B3GNT2: variants seen among roughly 807,000 people sequenced by gnomAD.
The protein encoded by B3GNT2 is UDP-GlcNAc:betaGal beta-1,3-N-acetylglucosaminyltransferase 2.
A neutral mutation model predicts 27.6 loss-of-function variants in B3GNT2; 12 were observed. That is an observed-to-expected ratio of 0.44 (90% CI 0.28 to 0.71). The LOEUF is 0.71. Among genes scored for constraint, B3GNT2 ranks in the 30% least tolerant of loss-of-function variants. The pLI, the probability that B3GNT2 is intolerant of heterozygous loss-of-function variation, is 0.17. For synonymous variants in B3GNT2, 192 were observed against 189.7 expected, an observed-to-expected ratio of 1.01 and a Z score of -0.10; for missense variants, 413 against 488.5, an observed-to-expected ratio of 0.85 and a Z score of 1.46.
chr2:62,208,124 C>T (rs964086343), intron 1 of B3GNT2, among the ~76,000 whole-genome samples: 7 of 151,818 alleles, frequency 4.6e-5, no homozygotes, highest in African/African-American at 1.2e-4. Context: ...ATCACTTTTT[C>T]GTACCTATGT....
rs1220962001 is a variant in B3GNT2 at position 62,223,149 on chromosome 2, T to G, written c.929T>G (p.Leu310Arg). The G allele has an allele frequency of 6.2e-7, 1 of 1,614,102 alleles. No homozygotes were observed. The highest frequency in any genetic ancestry group is 8.5e-7 in the Non-Finnish European group (1 of 1,180,038). ...CCCTATGCAGGGGGAGGGGGGTTCC[T>G]CTACTCCGGCCACCTGGCCCTGAGG... ...YPPYAGGGGF[L>R]YSGHLALRLY... is the part of the protein sequence containing the mutation. Residue 310 changes from leucine (L) to arginine (R), a missense_variant, in exon 2 of 2, where the codon CTC becomes CGC. Transcript: ENST00000301998.
intron 1 of B3GNT2, among the ~76,000 whole-genome samples, chr2:62,210,070 GA>G (rs761678183): frequency 2.6e-5 from 4 of 151,556 alleles, no homozygotes; most frequent in South Asian, 4.2e-4. Context: ...AATTTGGAAA[GA>G]AAAAAAAATT....
In B3GNT2 at chr2:62,223,495, T is replaced by A; in HGVS notation, c.*81T>A. 7.9e-7 allele frequency: 1 copy of A among 1,263,224 alleles called. No homozygotes were observed. Among genetic ancestry groups the A allele is most frequent in the South Asian group, 1.5e-5 (1 of 64,666 alleles). The allele number at this position is 1,263,224 out of a possible 1,614,324, so 78.3% of individuals were successfully genotyped here. ...TGTGTTCTCACATTAGAGTAATTTC[T>A]ATATTAAACCATGAAAATTGCCTTT... is the stretch of plus-strand genomic sequence containing the variant. On this transcript the variant is annotated 3_prime_UTR_variant, in exon 2 of 2. Transcript: ENST00000301998.
At chr2:62,217,402 G>A (rs1271845728) in intron 1 of B3GNT2, among the ~76,000 whole-genome samples, 3 of 152,184 alleles carry the variant, frequency 2.0e-5, no homozygotes, top group Non-Finnish European at 4.4e-5. Flanking sequence ...GTGCCTCAGC[G>A]AAATAAGCAG....
intron 1 of B3GNT2, among the ~76,000 whole-genome samples, chr2:62,210,414 A>G (rs1230168395): frequency 1.3e-5 from 2 of 152,290 alleles, no homozygotes; most frequent in South Asian, 2.1e-4. Context: ...CCAGGAAGGA[A>G]GCATATGAAA....
intron 1 of B3GNT2, among the ~76,000 whole-genome samples, chr2:62,197,693 GGAGGTGGTAAAC>G (rs1674180402): frequency 6.6e-6 from 1 of 152,230 alleles, no homozygotes; most frequent in African/African-American, 2.4e-5. Flanking sequence ...TTGTGCCTCT[GGAGGTGGTAAAC>G]GAGGTGGCCG....
chr2:62,210,335 G>A (rs2104197971), intron 1 of B3GNT2, among the ~76,000 whole-genome samples: 1 of 152,296 alleles, frequency 6.6e-6, no homozygotes, highest in Non-Finnish European at 1.5e-5. Context: ...TTAGTTTGTT[G>A]TGGAGATTAA....
In B3GNT2 at chr2:62,222,337, G is replaced by T. The variant is rs771751289; in HGVS notation, c.117G>T (p.Gly39=). 6.2e-7 allele frequency: 1 copy of T among 1,614,072 alleles called. No homozygotes were observed. Among genetic ancestry groups the T allele is most frequent in the East Asian group, 2.2e-5 (1 of 44,884 alleles). ...KSSSQEKNGK[G]EVIIPKEKFW... is the part of the protein sequence containing the mutation. ...GTAGCCAAGAAAAAAATGGAAAAGG[G>T]GAAGTAATAATACCCAAAGAGAAGT... Residue 39 remains glycine (G), a synonymous_variant, in exon 2 of 2, where the codon GGG becomes GGT. Transcript: ENST00000301998. This position sits in a 1 kb window ranked among gnomAD's most constrained non-coding sequence, Gnocchi z 4.2.
Position 62,202,605 on chromosome 2 carries a change from G to A in B3GNT2, c.-10+6250G>A, listed in dbSNP as rs192688724. ...GTGCTGACAAGTTATGGCCAGGCTT[G>A]CATTGAGGAAGATGGGCCTGAGCGT... On this transcript the variant is annotated intron_variant, in intron 1 of 1. Coordinates refer to ENST00000301998, the MANE Select transcript of B3GNT2 (RefSeq NM_006577.6). Among the ~76,000 whole-genome samples the A allele has an allele frequency of 7.4e-4, 112 of 152,310 alleles. 1 individual carries two copies. Among genetic ancestry groups the A allele is most frequent in the African/African-American group, 2.6e-3 (109 of 41,560 alleles).
chr2:62,222,636 C>G lies in B3GNT2; in HGVS notation c.416C>G (p.Ala139Gly), dbSNP rs1674739150. ...CTTATAGATCAGCCGGATAAGTGTG[C>G]AAAGAAACCTTTCTTGTTGCTGGCG... ...SLLIDQPDKC[A>G]KKPFLLLAIK... is the part of the protein sequence containing the mutation. Residue 139 changes from alanine (A) to glycine (G), a missense_variant, in exon 2 of 2, where the codon GCA becomes GGA. By Grantham distance (60) the Ala-to-Gly change is moderately conservative (BLOSUM62 0). Transcript: ENST00000301998. This position sits in a 1 kb window ranked among gnomAD's most constrained non-coding sequence, Gnocchi z 4.2. 1 of 1,614,212 alleles carries G rather than the reference C, an allele frequency of 6.2e-7. No individual in the cohort carries two copies. The highest frequency in any genetic ancestry group is 8.5e-7 in the Non-Finnish European group (1 of 1,180,038).
intron 1 of B3GNT2, among the ~76,000 whole-genome samples, chr2:62,201,514 C>A (rs1674263807): frequency 6.6e-6 from 1 of 152,182 alleles, no homozygotes; most frequent in East Asian, 1.9e-4. Context: ...TTCAGACAAG[C>A]CACTTAAAAC....
At chr2:62,221,159 C>T (rs1226209744) in intron 1 of B3GNT2, among the ~76,000 whole-genome samples, 1 of 152,180 alleles carries the variant, frequency 6.6e-6, no homozygotes, top group Non-Finnish European at 1.5e-5. Flanking sequence ...TTCATTTTGC[C>T]TGTTCTTGAA....
In B3GNT2 at chr2:62,224,627, T is replaced by C. The variant is rs1674788771; in HGVS notation, c.*1213T>C. On this transcript the variant is annotated 3_prime_UTR_variant, in exon 2 of 2. Transcript: ENST00000301998. ...AAACTATTACTTATATGTACTATTGTGTAACATACTTTCTTGAAATATTTT... is the reference window on the plus strand; with the variant it reads ...AAACTATTACTTATATGTACTATTGCGTAACATACTTTCTTGAAATATTTT... 4 of 167,132 alleles carry C rather than the reference T, an allele frequency of 2.4e-5. No individual in the cohort carries two copies. Among genetic ancestry groups the C allele is most frequent in the Admixed American group, 2.0e-4 (3 of 15,290 alleles). 10.4% of individuals were successfully genotyped at this position (167,132 alleles called of 1,614,324 possible). A position where few individuals can be genotyped will look rare whatever the true frequency, so the allele number is the denominator to read the frequency against.
intron 1 of B3GNT2, among the ~76,000 whole-genome samples, chr2:62,206,365 A>C (rs1477923750): frequency 3.9e-5 from 6 of 152,086 alleles, no homozygotes; most frequent in Non-Finnish European, 8.8e-5. Context: ...AAATGAAGAC[A>C]CCTCAGTCAC....
intron 1 of B3GNT2, among the ~76,000 whole-genome samples, chr2:62,200,479 C>G (rs1434888948): frequency 6.6e-6 from 1 of 152,114 alleles, no homozygotes; most frequent in Non-Finnish European, 1.5e-5. Flanking sequence ...GTAATCAATT[C>G]TGGCATGTGG....
chr2:62,200,518 G>C (rs1033586993), intron 1 of B3GNT2, among the ~76,000 whole-genome samples: 2 of 152,230 alleles, frequency 1.3e-5, no homozygotes, highest in African/African-American at 4.8e-5. Context: ...CCATGTGGTG[G>C]TTTAGTGGTT....
In B3GNT2 at chr2:62,222,830, A is replaced by G; in HGVS notation, c.610A>G (p.Lys204Glu). Reference sequence around the variant, plus strand: ...AGATATGCTGAAATTTGAGAGTGAGAAGCACCAAGACATTCTTATGTGGAA... The same window carrying G: ...AGATATGCTGAAATTTGAGAGTGAGGAGCACCAAGACATTCTTATGTGGAA... ...LSDMLKFESE[K>E]HQDILMWNYR... The change falls in exon 2 of 2, where the codon AAG becomes GAG. Residue 204 changes from lysine (K) to glutamate (E), a missense_variant. Physicochemically the swap from Lys to Glu is moderately conservative, Grantham distance 56. Coordinates refer to ENST00000301998, the MANE Select transcript of B3GNT2 (RefSeq NM_006577.6). This position sits in a 1 kb window ranked among gnomAD's most constrained non-coding sequence, Gnocchi z 4.2. The G allele has an allele frequency of 9.3e-6, 15 of 1,614,188 alleles. No homozygotes were observed. Among genetic ancestry groups the G allele is most frequent in the Non-Finnish European group, 1.3e-5 (15 of 1,180,038 alleles).
chr2:62,203,149 T>C (rs1674302982), intron 1 of B3GNT2, among the ~76,000 whole-genome samples: 1 of 152,208 alleles, frequency 6.6e-6, no homozygotes, highest in Non-Finnish European at 1.5e-5. Context: ...TTTGTTGAGT[T>C]AGGCCACTTC....
At chr2:62,220,937 T>C (rs1053023601) in intron 1 of B3GNT2, among the ~76,000 whole-genome samples, 5 of 152,244 alleles carry the variant, frequency 3.3e-5, no homozygotes, top group African/African-American at 7.2e-5. Flanking sequence ...CTGAAATCTT[T>C]TGATATTTCA....
Sources: allele counts gnomAD v4.1 joint callset (sites outside exome capture counted in the v4.1 genomes callset), GRCh38; gene constraint gnomAD v4.1.1; non-coding constraint Gnocchi (gnomAD v3.1); transcripts MANE v1.5; gene names NCBI Gene and HGNC (gene_info 2026-07-23, HGNC 2026-07-21).